Variants in ZNF225 observed in about 807,000 individuals in gnomAD.
The protein encoded by ZNF225 is zinc finger protein 225.
A neutral mutation model predicts 12.0 loss-of-function variants in ZNF225; 6 were observed. That is an observed-to-expected ratio of 0.50 (90% CI 0.27 to 0.98). ZNF225 has a LOEUF of 0.98. ZNF225 is among the 50% of genes least tolerant of loss of function. The probability of loss-of-function intolerance (pLI) is 0.11; values close to 1 mark genes in which losing one functional copy is unlikely to be tolerated. For missense variants in ZNF225, 763 were observed against 848.2 expected (o/e 0.90, Z 1.25); for synonymous variants, 271 against 283.2 (o/e 0.96, Z 0.43).
chr19:44,121,028 C>G (rs1283268472), intron 4 of ZNF225, among the ~76,000 whole-genome samples: 1 of 152,128 alleles, frequency 6.6e-6, no homozygotes, highest in East Asian at 1.9e-4. Context: ...TCTCAAGTAG[C>G]TGGGACTACA....
Position 44,130,820 on chromosome 19 carries a change from C to A in ZNF225, c.236-30C>A, listed in dbSNP as rs1164101277. The A allele has an allele frequency of 1.9e-6, 3 of 1,566,166 alleles. No individual in the cohort carries two copies. In the African/African-American group the frequency reaches 4.1e-5, roughly 21 times the overall value. ...TAACACTGAATAAAAGCTTTACTTG[C>A]CCACATCTCTTAATTCTGTGTCATT... On this transcript the variant is annotated intron_variant, in intron 4 of 4. Coordinates refer to ENST00000262894, the MANE Select transcript of ZNF225 (RefSeq NM_013362.4).
At chr19:44,130,086 C>T (rs1968215381) in intron 4 of ZNF225, 1 of 152,212 alleles carries the variant, frequency 6.6e-6, no homozygotes, top group South Asian at 2.1e-4. Context: ...TCATGCAAAC[C>T]AGAGTCCATA....
In ZNF225 at chr19:44,130,911, C is replaced by T; in HGVS notation, c.297C>T (p.Phe99=). ...AATCAGGAACACATGAAGGCTTGTT[C>T]AGTCATCAAACCTGGGAACAAATTT... ...VSESGTHEGL[F]SHQTWEQISS... The change falls in exon 5 of 5, where the codon TTC becomes TTT. Residue 99 remains phenylalanine (F), a synonymous_variant. Transcript: ENST00000262894. 1 of 1,613,972 alleles carries T rather than the reference C, an allele frequency of 6.2e-7. No individual in the cohort carries two copies. Among genetic ancestry groups the T allele is most frequent in the Non-Finnish European group, 8.5e-7 (1 of 1,179,962 alleles).
intron 4 of ZNF225, among the ~76,000 whole-genome samples, chr19:44,122,904 CTT>C (rs1229845289): frequency 3.3e-5 from 5 of 152,102 alleles, no homozygotes; most frequent in African/African-American, 1.2e-4. Flanking sequence ...CTGGAGGAGT[CTT>C]TAGGATTTTC....
Position 44,132,722 on chromosome 19 carries a change from T to A in ZNF225, c.2108T>A (p.Leu703Ter), listed in dbSNP as rs1241018261. 8 of 1,595,822 alleles carry A rather than the reference T, an allele frequency of 5.0e-6. No homozygotes were observed. The Middle Eastern group carries it at 5.1e-4, about 101-fold the overall frequency. ...LNLDTLLSLF[L>*]NDT Reference sequence around the variant, plus strand: ...CTTGATACGCTTTTGTCATTATTTTTAAATGACACATAACTGTTGTACTCA... The same window carrying A: ...CTTGATACGCTTTTGTCATTATTTTAAAATGACACATAACTGTTGTACTCA... The change falls in exon 5 of 5, where the codon TTA becomes TAA. Residue 703 changes from leucine to a stop codon, truncating the protein, a stop_gained. Transcript: ENST00000262894. LOFTEE classifies it high-confidence loss of function.
intron 4 of ZNF225, chr19:44,129,768 A>G (rs1297849806): frequency 6.6e-6 from 1 of 152,172 alleles, no homozygotes; most frequent in African/African-American, 2.4e-5. Flanking sequence ...TACTAGACCT[A>G]CTACCTCCAG....
intron 2 of ZNF225, among the ~76,000 whole-genome samples, chr19:44,117,214 A>G (rs1355604694): frequency 6.6e-6 from 1 of 152,228 alleles, no homozygotes; most frequent in Non-Finnish European, 1.5e-5. Context: ...TGAAAAAACT[A>G]TAATATGAAA....
Position 44,125,193 on chromosome 19 carries a change from A to G in ZNF225, c.236-5657A>G, listed in dbSNP as rs1215679515. 2.6e-5 allele frequency among the ~76,000 whole-genome samples: 4 copies of G among 152,146 alleles called. No individual in the cohort carries two copies. In the East Asian group the frequency reaches 7.7e-4, roughly 29 times the overall value. On this transcript the variant is annotated intron_variant, in intron 4 of 4. Coordinates refer to ENST00000262894, the MANE Select transcript of ZNF225 (RefSeq NM_013362.4). ...ATGTGTTTCCAGGATTTGTTTCAAG[A>G]TTTAGAGCTCCTTTTAGCAGTTCTT... is the stretch of plus-strand genomic sequence containing the variant.
rs188776347 is a variant in ZNF225 at position 44,116,746 on chromosome 19, A to T, written c.15+904A>T. 8.7e-4 allele frequency among the ~76,000 whole-genome samples: 132 copies of T among 152,328 alleles called. 2 individuals carry two copies. The South Asian group carries it at 0.021, about 24-fold the overall frequency. On this transcript the variant is annotated intron_variant, in intron 2 of 4. Coordinates refer to ENST00000262894, the MANE Select transcript of ZNF225 (RefSeq NM_013362.4). ...TTATAATCAAATAAGTGAGACTGTT[A>T]AATTCTTCCTAATATGATTACAAAA...
At chr19:44,122,253 G>A (rs1457368333) in intron 4 of ZNF225, among the ~76,000 whole-genome samples, 1 of 152,124 alleles carries the variant, frequency 6.6e-6, no homozygotes, top group Non-Finnish European at 1.5e-5. Flanking sequence ...TGAAAAGGGT[G>A]TCCTTTCCCC....
rs1344932007 is a variant in ZNF225, at chr19:44,132,190, C to G, written c.1576C>G (p.Gln526Glu). 8 of 1,613,800 alleles carry G rather than the reference C, an allele frequency of 5.0e-6. No homozygotes were observed. The highest frequency in any genetic ancestry group is 1.6e-4 in the Middle Eastern group (1 of 6,082). Reference protein sequence around the residue: ...ECGKRFTQNSQLYSHRRVHTG... With the variant: ...ECGKRFTQNSELYSHRRVHTG... ...TGGGAAAAGATTTACTCAGAATTCA[C>G]AACTTTATTCTCATCGCAGAGTCCA... is the stretch of plus-strand genomic sequence containing the variant. Residue 526 changes from glutamine to glutamate, a missense_variant, in exon 5 of 5, where the codon CAA (glutamine) becomes GAA (glutamate). By Grantham distance (29) the Gln-to-Glu change is conservative. Transcript: ENST00000262894.
rs202046565 is a variant in ZNF225, at chr19:44,118,195, T to C, written c.23T>C (p.Val8Ala). 213 of 1,611,874 alleles carry C rather than the reference T, an allele frequency of 1.3e-4. No homozygotes were observed. The highest frequency in any genetic ancestry group is 9.9e-4 in the Middle Eastern group (6 of 6,048). MTTLKEA[V>A]TFKDVAVVFT... ...ATATGTTCGATGCTGTAGGAGGCAG[T>C]GACCTTCAAGGACGTGGCTGTGGTC... The change falls in exon 3 of 5, where the codon GTG becomes GCG. Residue 8 changes from valine to alanine, a missense_variant. Transcript: ENST00000262894.
At chr19:44,114,229 C>A in intron 1 of ZNF225, 2 of 987,640 alleles carry the variant, frequency 2.0e-6, no homozygotes, top group Non-Finnish European at 1.6e-6. Context: ...TGATCCTTGG[C>A]TTTTTTCTTT....
rs1229238117 is a variant in ZNF225 at position 44,134,240 on chromosome 19, G to A, written c.*1505G>A. 6.6e-6 allele frequency: 1 copy of A among 152,106 alleles called. No individual in the cohort carries two copies. Among genetic ancestry groups the A allele is most frequent in the Admixed American group, 6.6e-5 (1 of 15,254 alleles). 9.4% of individuals were successfully genotyped at this position (152,106 alleles called of 1,614,324 possible). On this transcript the variant is annotated 3_prime_UTR_variant, in exon 5 of 5. Transcript: ENST00000262894. ...TGAATTGTGACTGTACTTGTGAAAT[G>A]TCTACAATGGAAATTAATTATCAAC...
chr19:44,113,112 G>T (rs1967862412), upstream of ZNF225: 1 of 152,346 alleles, frequency 6.6e-6, no homozygotes, highest in African/African-American at 2.4e-5. Context: ...GCATTCGGAG[G>T]AGTGTAATCC....
chr19:44,118,778 A>T (rs1198188619), intron 4 of ZNF225, among the ~76,000 whole-genome samples: 1 of 151,350 alleles, frequency 6.6e-6, no homozygotes, highest in Non-Finnish European at 1.5e-5. Flanking sequence ...TTCCTTAGGA[A>T]AGTCAGACTG....
At chr19:44,128,263 G>C (rs1448847543) in intron 4 of ZNF225, among the ~76,000 whole-genome samples, 1 of 152,146 alleles carries the variant, frequency 6.6e-6, no homozygotes, top group Non-Finnish European at 1.5e-5. Context: ...ATATATTTCT[G>C]CATCTTTATT....
intron 4 of ZNF225, among the ~76,000 whole-genome samples, chr19:44,124,892 G>C (rs1968118959): frequency 6.6e-6 from 1 of 152,060 alleles, no homozygotes; most frequent in Non-Finnish European, 1.5e-5. Flanking sequence ...TTTACTTTAA[G>C]TTTATATGAC....
Position 44,131,228 on chromosome 19 carries a change from A to G in ZNF225, c.614A>G (p.Asn205Ser), listed in dbSNP as rs1377941499. Residue 205 changes from asparagine to serine, a missense_variant, in exon 5 of 5, where the codon AAT (asparagine) becomes AGT (serine). Coordinates refer to ENST00000262894, the MANE Select transcript of ZNF225 (RefSeq NM_013362.4). ...GTTCACATGGGGGAGAAACTCTATA[A>G]TTGTGATGTGTGTGGTAAGGAATTC... ...QRVHMGEKLY[N>S]CDVCGKEFNQ... is the part of the protein sequence containing the mutation. 1.8e-5 allele frequency: 29 copies of G among 1,614,090 alleles called. No individual in the cohort carries two copies. Among genetic ancestry groups the G allele is most frequent in the Non-Finnish European group, 2.4e-5 (28 of 1,180,042 alleles).
Sources: allele counts gnomAD v4.1 joint callset (sites outside exome capture counted in the v4.1 genomes callset), GRCh38; gene constraint gnomAD v4.1.1; transcripts MANE v1.5; gene names NCBI Gene and HGNC (gene_info 2026-07-23, HGNC 2026-07-21).